Variants in ASB3 observed in about 807,000 individuals in gnomAD.
ASB3 encodes ankyrin repeat and SOCS box containing 3.
A neutral mutation model predicts 54.5 loss-of-function variants in ASB3; 41 were observed. That is an observed-to-expected ratio of 0.75 (90% CI 0.59 to 0.98). The LOEUF is 0.98. Ranked by LOEUF, ASB3 falls within the 50% of genes least tolerant of loss-of-function variation. The pLI, the probability that ASB3 is intolerant of heterozygous loss-of-function variation, is 0.00. For missense variants in ASB3, 733 were observed against 620.0 expected (o/e 1.18, Z -1.94); for synonymous variants, 266 against 221.2 (o/e 1.20, Z -1.80).
chr2:53,768,273 G>A, intron 1 of ASB3: 1 of 446,754 alleles, frequency 2.2e-6, no homozygotes. Flanking sequence ...GCGGGCACAG[G>A]CGCACGAGCT....
chr2:53,698,514 C>T (rs552475365), intron 8 of ASB3, among the ~76,000 whole-genome samples: 51 of 152,266 alleles, frequency 3.3e-4, no homozygotes, highest in African/African-American at 1.2e-3. Context: ...CACAAGTAGC[C>T]ATGCAGCAGC....
In ASB3 at chr2:53,757,579, T is replaced by C. The variant is rs1054629991; in HGVS notation, c.197-6638A>G. 2.6e-5 allele frequency among the ~76,000 whole-genome samples: 4 copies of C among 152,338 alleles called. No individual in the cohort carries two copies. The East Asian group carries it at 5.8e-4, about 22-fold the overall frequency. ...TCTACTTCCTCCGATCCCTGCCTCC[T>C]AGGTACTAATGGTTCAGACTTCATT... is the stretch of plus-strand genomic sequence containing the variant. On this transcript the variant is annotated intron_variant, in intron 2 of 9. Coordinates refer to ENST00000263634, the MANE Select transcript of ASB3 (RefSeq NM_016115.5).
intron 3 of ASB3, among the ~76,000 whole-genome samples, chr2:53,730,251 T>C (rs1671226344): frequency 6.6e-6 from 1 of 152,178 alleles, no homozygotes; most frequent in African/African-American, 2.4e-5. Flanking sequence ...AATTACAAAG[T>C]GCTTTATAAA....
Position 53,766,145 on chromosome 2 carries a change from T to G in ASB3, c.-13-560A>C, listed in dbSNP as rs1269070978. Among the ~76,000 whole-genome samples, 3 of 152,256 alleles carry G rather than the reference T, an allele frequency of 2.0e-5. No homozygotes were observed. The East Asian group carries it at 5.8e-4, about 29-fold the overall frequency. ...GTCCTTTCCAGAAGAGGTTAAACAC[T>G]CAGATTCTCTATGCTTGACCAAATA... On this transcript the variant is annotated intron_variant, in intron 1 of 9. Transcript: ENST00000263634.
intron 2 of ASB3, among the ~76,000 whole-genome samples, chr2:53,753,740 G>C (rs200784873): frequency 6.6e-6 from 1 of 151,562 alleles, no homozygotes; most frequent in Non-Finnish European, 1.5e-5. Flanking sequence ...AGGTTCAAGC[G>C]ATTCTCCTGC....
intron 8 of ASB3, among the ~76,000 whole-genome samples, chr2:53,698,700 G>C (rs546157566): frequency 1.3e-5 from 2 of 152,296 alleles, no homozygotes; most frequent in South Asian, 4.1e-4. Context: ...ATTGTCATCT[G>C]AGACCTTGTC....
chr2:53,745,479 T>C (rs558864513), intron 3 of ASB3, among the ~76,000 whole-genome samples: 92 of 152,332 alleles, frequency 6.0e-4, no homozygotes, highest in African/African-American at 2.2e-3. Flanking sequence ...TGGTGAGCTC[T>C]GTGTAAAGAA....
intron 2 of ASB3, among the ~76,000 whole-genome samples, chr2:53,759,593 C>T (rs13383167): frequency 0.18 from 26,775 of 151,998 alleles, 2,999 homozygotes; most frequent in African/African-American, 0.32. Context: ...AGAAAAAGGC[C>T]ACCACTTTAG....
intron 2 of ASB3, among the ~76,000 whole-genome samples, chr2:53,761,307 A>C (rs1280729806): frequency 6.6e-6 from 1 of 152,212 alleles, no homozygotes; most frequent in Non-Finnish European, 1.5e-5. Context: ...CTGAGAGCAC[A>C]GAGGGAGGGA....
chr2:53,775,632 C>T (rs1240148559), intron 1 of ASB3, among the ~76,000 whole-genome samples: 3 of 152,130 alleles, frequency 2.0e-5, no homozygotes, highest in Admixed American at 1.3e-4. Context: ...TGTGCCACCA[C>T]GCCCGGCTAA....
At chr2:53,710,310 G>A (rs945026461) in intron 7 of ASB3, among the ~76,000 whole-genome samples, 9 of 152,186 alleles carry the variant, frequency 5.9e-5, no homozygotes, top group African/African-American at 1.7e-4. Flanking sequence ...AGTCCATGTA[G>A]TAAATTTTTC....
intron 2 of ASB3, chr2:53,756,882 T>C (rs78657753): frequency 0.057 from 8,680 of 153,086 alleles, 454 homozygotes; most frequent in East Asian, 0.28. Flanking sequence ...CCAGTCGGGC[T>C]AGAGGCTCAC....
At chr2:53,720,744 T>A (rs999269731) in intron 5 of ASB3, among the ~76,000 whole-genome samples, 2 of 152,090 alleles carry the variant, frequency 1.3e-5, no homozygotes, top group African/African-American at 4.8e-5. Flanking sequence ...CTAATACACA[T>A]CTAAAGAACA....
chr2:53,750,997 T>C (rs1672481557), intron 2 of ASB3, 56 bp from the exon 3 acceptor site: 1 of 1,410,680 alleles, frequency 7.1e-7, no homozygotes, highest in Non-Finnish European at 9.3e-7. Flanking sequence ...TTCCTGGTTT[T>C]AAAAAGCAAA....
intron 5 of ASB3, among the ~76,000 whole-genome samples, chr2:53,724,536 T>G (rs1390741305): frequency 1.3e-5 from 2 of 151,612 alleles, no homozygotes; most frequent in East Asian, 3.9e-4. Flanking sequence ...GAGGCAGAGG[T>G]TGCAGTGAGC....
chr2:53,712,147 T>G (rs1276418877), intron 7 of ASB3, among the ~76,000 whole-genome samples: 1 of 152,010 alleles, frequency 6.6e-6, no homozygotes, highest in Non-Finnish European at 1.5e-5. Context: ...TAGCTCCTAT[T>G]TGCAGTTATC....
At chr2:53,679,163 T>A (rs529152047) in intron 9 of ASB3, among the ~76,000 whole-genome samples, 11 of 152,326 alleles carry the variant, frequency 7.2e-5, no homozygotes, top group Admixed American at 1.3e-4. Flanking sequence ...CCAGGATCAA[T>A]CTAACCATTT....
At chr2:53,701,898 C>A (rs563594836) in intron 7 of ASB3, among the ~76,000 whole-genome samples, 65 of 152,280 alleles carry the variant, frequency 4.3e-4, no homozygotes, top group Admixed American at 4.2e-3. Flanking sequence ...TGTTTCTGGA[C>A]TTTTCAAATC....
At chr2:53,677,521 T>C (rs368665329) in intron 9 of ASB3, among the ~76,000 whole-genome samples, 111 of 152,310 alleles carry the variant, frequency 7.3e-4, no homozygotes, top group Middle Eastern at 3.4e-3. Flanking sequence ...TTTAATGCTT[T>C]AGCAGTGTTT....
Sources: gnomAD v4.1 joint callset for allele counts (sites outside exome capture counted in the v4.1 genomes callset) on GRCh38, gnomAD v4.1.1 for gene constraint, MANE v1.5 for transcripts, NCBI Gene and HGNC (gene_info 2026-07-23, HGNC 2026-07-21) for gene names.